GRIK4: variants seen among roughly 807,000 people sequenced by gnomAD.
GRIK4 encodes the protein glutamate ionotropic receptor kainate type subunit 4, also known as glutamate receptor ionotropic, kainate 4.
In GRIK4, 40 loss-of-function variants were observed where a neutral mutation model predicts 104.9. The ratio of observed to expected loss-of-function variants is 0.38; its 90% CI spans 0.30 to 0.50. The LOEUF (loss-of-function observed/expected upper bound fraction) is 0.50, where lower values mean the gene tolerates loss of function less well. GRIK4 is among the 20% of genes least tolerant of loss of function. The pLI is 0.93. For synonymous variants in GRIK4, 485 were observed against 524.9 expected, an observed-to-expected ratio of 0.92 and a Z score of 1.04; for missense variants, 1,047 against 1,308.1, an observed-to-expected ratio of 0.80 and a Z score of 3.08.
chr11:120,779,738 A>G (rs140962818), intron 3 of GRIK4, among the ~76,000 whole-genome samples: 3 of 152,344 alleles, frequency 2.0e-5, no homozygotes, highest in East Asian at 1.9e-4. Flanking sequence ...ATCTTCCTCA[A>G]ATCAAATCAT....
At chr11:120,514,971 C>T (rs549495152) in intron 1 of GRIK4, 231 of 456,720 alleles carry the variant, frequency 5.1e-4, no homozygotes, top group African/African-American at 4.2e-3. Context: ...GCCGCTGTGC[C>T]TGTCTTCTTA....
chr11:120,841,211 C>T (rs1953706350), intron 8 of GRIK4, among the ~76,000 whole-genome samples: 1 of 152,106 alleles, frequency 6.6e-6, no homozygotes, highest in Admixed American at 6.5e-5. Flanking sequence ...CATCCACCTC[C>T]AGAACATTTT....
chr11:120,938,851 T>C (rs1015324270), intron 13 of GRIK4, among the ~76,000 whole-genome samples: 3 of 152,224 alleles, frequency 2.0e-5, no homozygotes, highest in Admixed American at 6.5e-5. Context: ...TTTACAAATA[T>C]AGATTCCTGC....
At chr11:120,899,739 C>G (rs573636214) in intron 12 of GRIK4, among the ~76,000 whole-genome samples, 2 of 152,290 alleles carry the variant, frequency 1.3e-5, no homozygotes, top group African/African-American at 4.8e-5. Flanking sequence ...TAGTTTGTTC[C>G]TCCCCTCCCC....
At chr11:120,984,021 A>G (rs188067262) in intron 20 of GRIK4, among the ~76,000 whole-genome samples, 1 of 152,304 alleles carries the variant, frequency 6.6e-6, no homozygotes, top group Non-Finnish European at 1.5e-5. Context: ...ATGGGGGCCT[A>G]TAATCCAAGT....
chr11:120,957,593 G>GTA (rs1944189237), intron 16 of GRIK4, among the ~76,000 whole-genome samples: 2 of 72,516 alleles, frequency 2.8e-5, no homozygotes, highest in South Asian at 1.1e-3. Context: ...CAAAACAAAT[G>GTA]TGTGTGTGTG....
At chr11:120,834,294 GTGTGT>G (rs1475220417) in intron 7 of GRIK4, among the ~76,000 whole-genome samples, 2 of 151,788 alleles carry the variant, frequency 1.3e-5, no homozygotes, top group Non-Finnish European at 2.9e-5. Context: ...GTGTGTGTGT[GTGTGT>G]GGCCATGCTT....
intron 3 of GRIK4, among the ~76,000 whole-genome samples, chr11:120,754,040 CT>C (rs951040402): frequency 4.6e-5 from 7 of 151,864 alleles, no homozygotes; most frequent in Admixed American, 4.6e-4. Context: ...GGACATTTCT[CT>C]TTTTTTTGGA....
rs574707273 is a variant in GRIK4 at position 120,811,551 on chromosome 11, G to A, written c.248-3827G>A. Among the ~76,000 whole-genome samples, 17 of 152,226 alleles carry A rather than the reference G, an allele frequency of 1.1e-4. 1 individual carries two copies. The South Asian group carries it at 2.1e-3, about 19-fold the overall frequency. On this transcript the variant is annotated intron_variant, in intron 4 of 20. Transcript: ENST00000527524. ...TTGGGAATTAAATATGTCAGTTCCC[G>A]TAAGAGTGCTTCGAACGGGCCATAG...
intron 3 of GRIK4, among the ~76,000 whole-genome samples, chr11:120,772,157 G>A (rs1386642904): frequency 2.0e-5 from 3 of 152,234 alleles, no homozygotes; most frequent in Non-Finnish European, 4.4e-5. Flanking sequence ...AACAGGTCTA[G>A]CGGCCAGAGC....
At chr11:120,616,232 G>A (rs541112873) in intron 1 of GRIK4, among the ~76,000 whole-genome samples, 3 of 152,288 alleles carry the variant, frequency 2.0e-5, no homozygotes, top group African/African-American at 7.2e-5. Context: ...TTTGAGCCAC[G>A]GAGTCTGGGC....
At chr11:120,945,295 C>T (rs1267921622) in intron 14 of GRIK4, among the ~76,000 whole-genome samples, 1 of 152,212 alleles carries the variant, frequency 6.6e-6, no homozygotes, top group Non-Finnish European at 1.5e-5. Context: ...AGCTGCTTGC[C>T]CTCTGCCTAT....
chr11:120,771,839 A>G (rs1247347095), intron 3 of GRIK4, among the ~76,000 whole-genome samples: 1 of 152,250 alleles, frequency 6.6e-6, no homozygotes, highest in Non-Finnish European at 1.5e-5. Context: ...TGCTCTTGAG[A>G]GCCATAGAGC....
In GRIK4 at chr11:120,788,586, ACCCAAGAAGGGGGAGCCGTC is replaced by A. The variant is rs549237694; in HGVS notation, c.83-14104_83-14085del. On this transcript the variant is annotated intron_variant, in intron 3 of 20. Transcript: ENST00000527524. ...AGTAAAAGGAAAAAAAGGAGAAGGC[ACCCAAGAAGGGGGAGCCGTC>A]CCTTCTCTCACCCCAGATGAGCCTG... Among the ~76,000 whole-genome samples, 196 of 152,164 alleles carry A rather than the reference ACCCAAGAAGGGGGAGCCGTC, an allele frequency of 1.3e-3. 1 individual carries two copies. Among genetic ancestry groups the A allele is most frequent in the Middle Eastern group, 3.4e-3 (1 of 294 alleles).
chr11:120,575,333 C>G (rs1948468283), intron 1 of GRIK4, among the ~76,000 whole-genome samples: 1 of 152,124 alleles, frequency 6.6e-6, no homozygotes, highest in African/African-American at 2.4e-5. Flanking sequence ...CTTTCCCTGC[C>G]CAGCCTTTTT....
At chr11:120,659,303 G>A (rs192500227) in intron 2 of GRIK4, among the ~76,000 whole-genome samples, 49 of 152,132 alleles carry the variant, frequency 3.2e-4, no homozygotes, top group African/African-American at 1.1e-3. Context: ...GGTTTTCAGC[G>A]GTAGTAGAGC....
intron 16 of GRIK4, among the ~76,000 whole-genome samples, chr11:120,959,527 T>G (rs1944241856): frequency 6.6e-6 from 1 of 152,250 alleles, no homozygotes. Flanking sequence ...TGATTCAGAA[T>G]TTGTGATTCT....
intron 13 of GRIK4, among the ~76,000 whole-genome samples, chr11:120,932,157 ATTTTT>A (rs56886847): frequency 3.6e-5 from 5 of 138,016 alleles, no homozygotes; most frequent in African/African-American, 1.1e-4. Flanking sequence ...CAATTTTACA[ATTTTT>A]TTTTTTTTTT....
At position 120,928,288 on chromosome 11, in the gene GRIK4, C is replaced by T. The variant is rs537079632; in HGVS notation, c.1477-12059C>T. ...TCTGCTTTAGCTTTCCCAAAGACCCCTCTGGCTGCAACGGGAAGAGGGGAT... is the reference window on the plus strand; with the variant it reads ...TCTGCTTTAGCTTTCCCAAAGACCCTTCTGGCTGCAACGGGAAGAGGGGAT... On this transcript the variant is annotated intron_variant, in intron 13 of 20. Transcript: ENST00000527524. 3.2e-3 allele frequency among the ~76,000 whole-genome samples: 486 copies of T among 151,902 alleles called. 4 individuals carry two copies. The highest frequency in any genetic ancestry group is 0.011 in the African/African-American group (469 of 41,440).
Sources: gnomAD v4.1 joint callset for allele counts (sites outside exome capture counted in the v4.1 genomes callset) on GRCh38, gnomAD v4.1.1 for gene constraint, MANE v1.5 for transcripts, NCBI Gene and HGNC (gene_info 2026-07-23, HGNC 2026-07-21) for gene names.